LMO4: variants seen among roughly 807,000 people sequenced by gnomAD.
LMO4 encodes the protein LIM domain transcription factor LMO4.
A neutral mutation model predicts 18.5 loss-of-function variants in LMO4; 3 were observed. The ratio of observed to expected loss-of-function variants is 0.16; its 90% CI spans 0.07 to 0.42. The LOEUF is 0.42. Among genes scored for constraint, LMO4 ranks in the 10% least tolerant of loss-of-function variants. The pLI, the probability that LMO4 is intolerant of heterozygous loss-of-function variation, is 0.99. For missense variants in LMO4, 121 were observed against 219.9 expected (o/e 0.55, Z 2.84); for synonymous variants, 100 against 88.1 (o/e 1.14, Z -0.76).
chr1:87,339,469 G>A (rs1229391625), intron 2 of LMO4, 67 bp from the exon 3 acceptor site: 3 of 1,087,114 alleles, frequency 2.8e-6, no homozygotes, highest in African/African-American at 1.6e-5. Flanking sequence ...GAGTCTGGGG[G>A]TGTTTTTCTT....
chr1:87,333,700 T>C (rs1557613475), intron 2 of LMO4, among the ~76,000 whole-genome samples: 1 of 152,198 alleles, frequency 6.6e-6, no homozygotes, highest in Non-Finnish European at 1.5e-5. Flanking sequence ...TATTTTTAAA[T>C]TAAGATGGCA....
chr1:87,336,337 G>A (rs1394670886), intron 2 of LMO4, among the ~76,000 whole-genome samples: 2 of 152,128 alleles, frequency 1.3e-5, no homozygotes, highest in Non-Finnish European at 2.9e-5. Context: ...TCTCAGAAAC[G>A]TACCTCTCCT....
chr1:87,329,247 A>G lies in LMO4; in HGVS notation c.-4+3A>G, dbSNP rs1650058695. ...ATTGCAATATAGGGGAAAAGCAGGT[A>G]AGGGGGCGGGTGGAGAGCCGCGGGC... On this transcript the variant is annotated splice_donor_region_variant and intron_variant, in intron 1 of 4. Coordinates refer to ENST00000370544, the MANE Select transcript of LMO4 (RefSeq NM_006769.4). The G allele has an allele frequency of 6.6e-6, 1 of 152,034 alleles. No individual in the cohort carries two copies. The highest frequency in any genetic ancestry group is 1.5e-5 in the Non-Finnish European group (1 of 68,040). The allele number at this position is 152,034 out of a possible 1,614,324, so 9.4% of individuals were successfully genotyped here. A position where few individuals can be genotyped will look rare whatever the true frequency, so the allele number is the denominator to read the frequency against.
chr1:87,340,015 T>G (rs1468151695), intron 3 of LMO4, 32 bp from the exon 4 acceptor site: 3 of 1,603,770 alleles, frequency 1.9e-6, no homozygotes, highest in Non-Finnish European at 1.7e-6. Context: ...AATTTTTACC[T>G]TGTTTTCAGT....
Position 87,346,641 on chromosome 1 carries a change from G to T in LMO4, c.*1845G>T, listed in dbSNP as rs1454257372. The T allele has an allele frequency of 6.6e-6, 1 of 151,914 alleles. No homozygotes were observed. Among genetic ancestry groups the T allele is most frequent in the African/African-American group, 2.4e-5 (1 of 41,294 alleles). The allele number at this position is 151,914 out of a possible 1,614,324, so 9.4% of individuals were successfully genotyped here. ...CTTCTGTGCTCACTTCCTGTTTTCAGAGATTCCAGGGCAGGGGAAAAAAAA... is the reference window on the plus strand; with the variant it reads ...CTTCTGTGCTCACTTCCTGTTTTCATAGATTCCAGGGCAGGGGAAAAAAAA... On this transcript the variant is annotated 3_prime_UTR_variant, in exon 5 of 5. Coordinates refer to ENST00000370544, the MANE Select transcript of LMO4 (RefSeq NM_006769.4).
At chr1:87,333,971 A>C (rs986506559) in intron 2 of LMO4, among the ~76,000 whole-genome samples, 1 of 151,960 alleles carries the variant, frequency 6.6e-6, no homozygotes, top group East Asian at 1.9e-4. Context: ...AACAAAAAAA[A>C]CCCTCGCTTC....
At chr1:87,334,147 TG>T in intron 2 of LMO4, among the ~76,000 whole-genome samples, 1 of 152,188 alleles carries the variant, frequency 6.6e-6, no homozygotes, top group East Asian at 1.9e-4. Context: ...ATGGAGGATG[TG>T]TGCCCAGCCC....
chr1:87,330,901 A>G (rs1367829730), intron 1 of LMO4, among the ~76,000 whole-genome samples: 1 of 152,216 alleles, frequency 6.6e-6, no homozygotes, highest in Non-Finnish European at 1.5e-5. Context: ...GCTAAGCTTT[A>G]TAAATTGATT....
intron 1 of LMO4, chr1:87,331,243 T>C (rs1313054344): frequency 6.6e-6 from 1 of 152,094 alleles, no homozygotes; most frequent in Non-Finnish European, 1.5e-5. Flanking sequence ...CACTCATTGA[T>C]CTTCAAAATG....
rs1182009759 is a variant in LMO4, at chr1:87,346,951, A to C, written c.*2155A>C. 1 of 152,124 alleles carries C rather than the reference A, an allele frequency of 6.6e-6. No homozygotes were observed. Among genetic ancestry groups the C allele is most frequent in the Non-Finnish European group, 1.5e-5 (1 of 68,016 alleles). 9.4% of individuals were successfully genotyped at this position (152,124 alleles called of 1,614,324 possible). ...TAATGAGATTGCAGGCATTTTCTATATTCTTTTTGGCATAAGCACTTATGT... is the reference window on the plus strand; with the variant it reads ...TAATGAGATTGCAGGCATTTTCTATCTTCTTTTTGGCATAAGCACTTATGT... On this transcript the variant is annotated 3_prime_UTR_variant, in exon 5 of 5. Transcript: ENST00000370544.
chr1:87,333,294 A>G (rs541537264), intron 2 of LMO4, among the ~76,000 whole-genome samples: 1 of 152,226 alleles, frequency 6.6e-6, no homozygotes, highest in South Asian at 2.1e-4. Flanking sequence ...CTGTTTCAAC[A>G]TCCAGTAATT....
rs761513876 is a variant in LMO4 at position 87,348,765 on chromosome 1, G to C, written c.*3969G>C. ...AGTAGATATGTGCATGTTTCCTAGA[G>C]GGAATGTTTTCAAGTTCAGATTGAT... On this transcript the variant is annotated 3_prime_UTR_variant, in exon 5 of 5. Coordinates refer to ENST00000370544, the MANE Select transcript of LMO4 (RefSeq NM_006769.4). The C allele has an allele frequency of 7.8e-6, 4 of 515,806 alleles. No homozygotes were observed. The highest frequency in any genetic ancestry group is 2.0e-5 in the Admixed American group (1 of 51,050). 32.0% of individuals were successfully genotyped at this position (515,806 alleles called of 1,614,324 possible).
intron 1 of LMO4, among the ~76,000 whole-genome samples, chr1:87,330,579 G>A (rs766533950): frequency 2.0e-5 from 3 of 152,204 alleles, no homozygotes; most frequent in Non-Finnish European, 2.9e-5. Flanking sequence ...CTCTTTCGGA[G>A]GAAATGTGTT....
rs549854980 is a variant in LMO4, at chr1:87,339,519, G to A, written c.237-17G>A. 3.4e-5 allele frequency: 54 copies of A among 1,591,544 alleles called. 4 individuals carry two copies. The South Asian group carries it at 5.2e-4, about 15-fold the overall frequency. ...TTAGGATTATTCACTGGTGTCAACC[G>A]TTATTCTTTGTTTCAGGTTATTTGG... On this transcript the variant is annotated splice_polypyrimidine_tract_variant and intron_variant, in intron 2 of 4. Transcript: ENST00000370544.
chr1:87,343,966 G>T (rs1650563562), intron 4 of LMO4, among the ~76,000 whole-genome samples: 2 of 152,180 alleles, frequency 1.3e-5, no homozygotes, highest in Admixed American at 1.3e-4. Flanking sequence ...TATTTGACAA[G>T]TGTGTGGATT....
At chr1:87,332,704 A>G (rs1369285243) in intron 2 of LMO4, among the ~76,000 whole-genome samples, 3 of 152,154 alleles carry the variant, frequency 2.0e-5, no homozygotes, top group Admixed American at 2.0e-4. Flanking sequence ...ATGGCTTATT[A>G]ACGATATTTA....
intron 4 of LMO4, among the ~76,000 whole-genome samples, chr1:87,343,227 T>A (rs984303167): frequency 6.6e-6 from 1 of 152,174 alleles, no homozygotes; most frequent in African/African-American, 2.4e-5. Flanking sequence ...GTAGTGTAGT[T>A]GTTGTTCTGC....
Position 87,344,868 on chromosome 1 carries a change from C to A in LMO4, c.*72C>A. 1 of 1,499,674 alleles carries A rather than the reference C, an allele frequency of 6.7e-7. No individual in the cohort carries two copies. The highest frequency in any genetic ancestry group is 9.3e-7 in the Non-Finnish European group (1 of 1,076,496). 92.9% of individuals were successfully genotyped at this position (1,499,674 alleles called of 1,614,324 possible). A position where few individuals can be genotyped will look rare whatever the true frequency, so the allele number is the denominator to read the frequency against. On this transcript the variant is annotated 3_prime_UTR_variant, in exon 5 of 5. Transcript: ENST00000370544. Reference sequence around the variant, plus strand: ...ATCACAGGTGGATCCCATGTGTCTTCAGTAGACAAGTCACCTTTGTAGCTA... The same window carrying A: ...ATCACAGGTGGATCCCATGTGTCTTAAGTAGACAAGTCACCTTTGTAGCTA...
intron 2 of LMO4, among the ~76,000 whole-genome samples, chr1:87,338,634 TC>T (rs1346359199): frequency 1.3e-5 from 2 of 152,226 alleles, no homozygotes; most frequent in Non-Finnish European, 2.9e-5. Context: ...ATGTTTTTCT[TC>T]AGTACACCAC....
Sources: gnomAD v4.1 joint callset for allele counts (sites outside exome capture counted in the v4.1 genomes callset) on GRCh38, gnomAD v4.1.1 for gene constraint, MANE v1.5 for transcripts, NCBI Gene and HGNC (gene_info 2026-07-23, HGNC 2026-07-21) for gene names.